FOXJ3: variants seen among roughly 807,000 people sequenced by gnomAD.
FOXJ3 encodes forkhead box protein J3.
A neutral mutation model predicts 76.1 loss-of-function variants in FOXJ3; 22 were observed. That is an observed-to-expected ratio of 0.29 (90% CI 0.21 to 0.41). The LOEUF is 0.41. FOXJ3 is among the 10% of genes least tolerant of loss of function. FOXJ3 has a pLI of 1.00. For missense variants in FOXJ3, 613 were observed against 762.1 expected, an observed-to-expected ratio of 0.80 and a Z score of 2.30; for synonymous variants, 269 against 261.2, an observed-to-expected ratio of 1.03 and a Z score of -0.29.
intron 1 of FOXJ3, among the ~76,000 whole-genome samples, chr1:42,318,533 C>T (rs139918858): frequency 3.9e-5 from 6 of 152,040 alleles, no homozygotes; most frequent in African/African-American, 1.4e-4. Context: ...TTAGTAGAGA[C>T]AGGGTTTCAC....
chr1:42,304,319 C>G (rs1042065539), intron 2 of FOXJ3, among the ~76,000 whole-genome samples: 1 of 151,954 alleles, frequency 6.6e-6, no homozygotes, highest in African/African-American at 2.4e-5. Context: ...TTAAAATGTA[C>G]ATACTACACA....
In FOXJ3 at chr1:42,177,162, C is replaced by T. The variant is rs879271849; in HGVS notation, c.*2548G>A. 6.6e-6 allele frequency: 1 copy of T among 152,452 alleles called. No individual in the cohort carries two copies. The highest frequency in any genetic ancestry group is 1.5e-5 in the Non-Finnish European group (1 of 68,054). 9.4% of individuals were successfully genotyped at this position (152,452 alleles called of 1,614,324 possible). On this transcript the variant is annotated 3_prime_UTR_variant, in exon 13 of 13. Coordinates refer to ENST00000361346, the MANE Select transcript of FOXJ3 (RefSeq NM_014947.5). ...GGTAACCCTGTCTGGCCAGGGCCCA[C>T]AGAAAAGGCCTGTCCTGGGCTCCTG...
chr1:42,333,950 T>A (rs1017149255), intron 1 of FOXJ3, among the ~76,000 whole-genome samples: 1 of 151,966 alleles, frequency 6.6e-6, no homozygotes, highest in Non-Finnish European at 1.5e-5. Context: ...CACAAATAAA[T>A]CTCAGAAAAA....
At position 42,208,549 on chromosome 1, in the gene FOXJ3, A is replaced by G. The variant is rs80275977; in HGVS notation, c.529-2686T>C. 5.5e-3 allele frequency among the ~76,000 whole-genome samples: 833 copies of G among 152,358 alleles called. 14 individuals carry two copies. Among genetic ancestry groups the G allele is most frequent in the African/African-American group, 0.019 (807 of 41,584 alleles). ...TAGAAGGAACATTCCTCAACACAAT[A>G]AAGGTCACATATAATAAGTCCATAG... On this transcript the variant is annotated intron_variant, in intron 5 of 12. Transcript: ENST00000361346.
intron 6 of FOXJ3, among the ~76,000 whole-genome samples, chr1:42,200,265 T>C (rs1318900782): frequency 6.6e-6 from 1 of 152,172 alleles, no homozygotes; most frequent in Non-Finnish European, 1.5e-5. Context: ...CACTACTGAT[T>C]GGTTTTCCTA....
intron 2 of FOXJ3, among the ~76,000 whole-genome samples, 175 bp downstream of exon 2, chr1:42,310,875 G>A (rs529719284): frequency 3.3e-5 from 5 of 152,220 alleles, no homozygotes; most frequent in Non-Finnish European, 7.4e-5. Flanking sequence ...CCATTACCAC[G>A]AAAATTTCAG....
intron 11 of FOXJ3, among the ~76,000 whole-genome samples, chr1:42,186,594 T>C (rs547658629): frequency 6.6e-6 from 1 of 152,154 alleles, no homozygotes; most frequent in East Asian, 1.9e-4. Context: ...CAAGAATAGA[T>C]GACTACAGAA....
At chr1:42,274,153 T>C (rs1238350068) in intron 3 of FOXJ3, among the ~76,000 whole-genome samples, 1 of 152,204 alleles carries the variant, frequency 6.6e-6, no homozygotes, top group Non-Finnish European at 1.5e-5. Context: ...CAAAATTTTC[T>C]AGCCTTTTCT....
chr1:42,315,843 G>A (rs374555302), intron 1 of FOXJ3, among the ~76,000 whole-genome samples: 6 of 152,160 alleles, frequency 3.9e-5, no homozygotes, highest in East Asian at 3.8e-4. Context: ...TTTATTTGGT[G>A]CCTACAGCAT....
At chr1:42,312,020 T>C (rs1654843438) in intron 1 of FOXJ3, among the ~76,000 whole-genome samples, 1 of 152,176 alleles carries the variant, frequency 6.6e-6, no homozygotes, top group South Asian at 2.1e-4. Context: ...TGGGTTTAAG[T>C]GTATACATAC....
At chr1:42,308,279 T>C (rs1024698937) in intron 2 of FOXJ3, among the ~76,000 whole-genome samples, 1 of 152,224 alleles carries the variant, frequency 6.6e-6, no homozygotes, top group Non-Finnish European at 1.5e-5. Flanking sequence ...GTCAGTAGTT[T>C]TGAGTTACCT....
At chr1:42,306,431 T>C (rs1654478813) in intron 2 of FOXJ3, among the ~76,000 whole-genome samples, 1 of 150,720 alleles carries the variant, frequency 6.6e-6, no homozygotes, top group Non-Finnish European at 1.5e-5. Context: ...GCCTCCCGAG[T>C]AGCTGGGACT....
At chr1:42,284,365 C>A (rs771122830) in intron 2 of FOXJ3, among the ~76,000 whole-genome samples, 2 of 152,150 alleles carry the variant, frequency 1.3e-5, no homozygotes, top group Non-Finnish European at 2.9e-5. Flanking sequence ...AACAGAAATG[C>A]AGGAAAAATT....
intron 2 of FOXJ3, among the ~76,000 whole-genome samples, chr1:42,304,891 C>T (rs757456786): frequency 7.9e-5 from 12 of 151,990 alleles, no homozygotes; most frequent in African/African-American, 1.7e-4. Flanking sequence ...AATAGACAAA[C>T]GGGATCACAT....
intron 8 of FOXJ3, among the ~76,000 whole-genome samples, chr1:42,192,411 A>C (rs1479422143): frequency 6.6e-6 from 1 of 152,196 alleles, no homozygotes; most frequent in African/African-American, 2.4e-5. Context: ...GGCCCAACAA[A>C]AAGTTATTAG....
intron 2 of FOXJ3, among the ~76,000 whole-genome samples, chr1:42,302,846 C>T (rs1306073247): frequency 2.0e-5 from 3 of 151,510 alleles, no homozygotes; most frequent in Non-Finnish European, 2.9e-5. Flanking sequence ...TTCCCTATTA[C>T]CTCTGATATA....
At position 42,177,223 on chromosome 1, in the gene FOXJ3, G is replaced by A. The variant is rs1646231493; in HGVS notation, c.*2487C>T. ...ATCACAGGAGAGTGGGATGGGTCTG[G>A]GTGAAGGCTTTGCCTCCATGGCCAT... is the stretch of plus-strand genomic sequence containing the variant. On this transcript the variant is annotated 3_prime_UTR_variant, in exon 13 of 13. Coordinates refer to ENST00000361346, the MANE Select transcript of FOXJ3 (RefSeq NM_014947.5). 2 of 152,624 alleles carry A rather than the reference G, an allele frequency of 1.3e-5. No homozygotes were observed. The highest frequency in any genetic ancestry group is 4.8e-5 in the African/African-American group (2 of 41,440). 9.5% of individuals were successfully genotyped at this position (152,624 alleles called of 1,614,324 possible).
intron 2 of FOXJ3, among the ~76,000 whole-genome samples, chr1:42,297,499 T>C (rs894485609): frequency 6.6e-6 from 1 of 152,238 alleles, no homozygotes; most frequent in African/African-American, 2.4e-5. Context: ...TCAAATCACT[T>C]TTCTGCATCT....
At chr1:42,317,607 T>A (rs905368371) in intron 1 of FOXJ3, among the ~76,000 whole-genome samples, 1 of 149,842 alleles carries the variant, frequency 6.7e-6, no homozygotes, top group Non-Finnish European at 1.5e-5. Flanking sequence ...TCAGTGTAGA[T>A]CAAGAAGGAT....
Sources: allele counts gnomAD v4.1 joint callset (sites outside exome capture counted in the v4.1 genomes callset), GRCh38; gene constraint gnomAD v4.1.1; transcripts MANE v1.5; gene names NCBI Gene and HGNC (gene_info 2026-07-23, HGNC 2026-07-21).